The following XPR1 variants were observed in gnomAD, a reference collection of about 807,000 sequenced individuals.
The protein encoded by XPR1 is xenotropic and polytropic retrovirus receptor 1.
In XPR1, 28 loss-of-function variants were observed where a neutral mutation model predicts 87.5. That is an observed-to-expected ratio of 0.32 (90% CI 0.24 to 0.44). XPR1 has a LOEUF of 0.44. XPR1 is among the 20% of genes least tolerant of loss of function. The pLI is 1.00. For missense variants in XPR1, 559 were observed against 862.3 expected (o/e 0.65, Z 4.41); for synonymous variants, 300 against 306.1 (o/e 0.98, Z 0.21).
At chr1:180,764,270 G>T (rs771894723) in intron 2 of XPR1, among the ~76,000 whole-genome samples, 4 of 152,062 alleles carry the variant, frequency 2.6e-5, no homozygotes, top group Admixed American at 6.5e-5. Context: ...TGTGTAAGTT[G>T]TATATATAAA....
At chr1:180,644,404 CTTT>C (rs369513320) in intron 1 of XPR1, among the ~76,000 whole-genome samples, 3 of 133,446 alleles carry the variant, frequency 2.2e-5, no homozygotes, top group African/African-American at 2.8e-5. Flanking sequence ...TTCTGATTTA[CTTT>C]TTTTTTTTTT....
At chr1:180,882,852 A>G (rs750507946) in intron 14 of XPR1, among the ~76,000 whole-genome samples, 3 of 152,136 alleles carry the variant, frequency 2.0e-5, no homozygotes, top group Non-Finnish European at 4.4e-5. Context: ...GCCTCTCCTT[A>G]GGTCTTCTCT....
At chr1:180,766,017 C>A (rs1648269632) in intron 2 of XPR1, among the ~76,000 whole-genome samples, 1 of 152,028 alleles carries the variant, frequency 6.6e-6, no homozygotes, top group Non-Finnish European at 1.5e-5. Context: ...TAGAGTTTAA[C>A]TGGCTGTGGT....
intron 1 of XPR1, among the ~76,000 whole-genome samples, chr1:180,681,145 G>A (rs193243390): frequency 3.4e-4 from 52 of 152,244 alleles, no homozygotes; most frequent in African/African-American, 1.2e-3. Flanking sequence ...CTAGTGGTCT[G>A]TACCACTGTA....
At chr1:180,854,902 G>A (rs1651980422) in intron 11 of XPR1, among the ~76,000 whole-genome samples, 1 of 152,166 alleles carries the variant, frequency 6.6e-6, no homozygotes, top group Non-Finnish European at 1.5e-5. Flanking sequence ...TGTTTTCAGG[G>A]ACACATTATA....
At chr1:180,651,706 T>C (rs12076888) in intron 1 of XPR1, among the ~76,000 whole-genome samples, 6,545 of 152,270 alleles carry the variant, frequency 0.043, 504 homozygotes, top group African/African-American at 0.15. Context: ...TAAGGGCTTA[T>C]AATATTTAAA....
chr1:180,884,936 A>C lies in XPR1; in HGVS notation c.*870A>C, dbSNP rs566604268. ...GAGTCCTGAGCATATCTCTCATAAC[A>C]AGGAATCCCACACTTCACACCACCG... is the stretch of plus-strand genomic sequence containing the variant. On this transcript the variant is annotated 3_prime_UTR_variant, in exon 15 of 15. Coordinates refer to ENST00000367590, the MANE Select transcript of XPR1 (RefSeq NM_004736.4). 1 of 152,384 alleles carries C rather than the reference A, an allele frequency of 6.6e-6. No individual in the cohort carries two copies. Among genetic ancestry groups the C allele is most frequent in the East Asian group, 1.9e-4 (1 of 5,184 alleles). 9.4% of individuals were successfully genotyped at this position (152,384 alleles called of 1,614,324 possible).
chr1:180,792,482 C>T (rs530583184), intron 3 of XPR1, among the ~76,000 whole-genome samples: 1 of 152,272 alleles, frequency 6.6e-6, no homozygotes, highest in East Asian at 1.9e-4. Context: ...TCCCAACCCT[C>T]TAGGGTTCCA....
intron 3 of XPR1, among the ~76,000 whole-genome samples, chr1:180,799,636 G>C (rs144296623): frequency 5.9e-5 from 9 of 152,264 alleles, no homozygotes; most frequent in African/African-American, 1.9e-4. Context: ...TATCAAGAAT[G>C]CTTTTATTCC....
chr1:180,824,365 G>A (rs1441072950), intron 7 of XPR1, among the ~76,000 whole-genome samples: 3 of 152,252 alleles, frequency 2.0e-5, no homozygotes, highest in African/African-American at 4.8e-5. Flanking sequence ...GGTGGATCAC[G>A]AGGTCAGGAG....
intron 1 of XPR1, among the ~76,000 whole-genome samples, chr1:180,669,479 T>G (rs1571704166): frequency 6.6e-6 from 1 of 151,944 alleles, no homozygotes; most frequent in South Asian, 2.1e-4. Context: ...GCCTTCCGGG[T>G]TCAAGCAATT....
intron 1 of XPR1, among the ~76,000 whole-genome samples, chr1:180,641,078 C>T (rs1007293671): frequency 6.6e-6 from 1 of 151,618 alleles, no homozygotes; most frequent in East Asian, 1.9e-4. Context: ...AACTCTGAAG[C>T]CAGTCTACCT....
chr1:180,731,337 C>A (rs1370687229), intron 2 of XPR1, among the ~76,000 whole-genome samples: 1 of 152,140 alleles, frequency 6.6e-6, no homozygotes, highest in African/African-American at 2.4e-5. Flanking sequence ...GGTGCTGCGG[C>A]CGAGGGGATG....
chr1:180,644,539 A>G (rs997449119), intron 1 of XPR1, among the ~76,000 whole-genome samples: 1 of 151,306 alleles, frequency 6.6e-6, no homozygotes, highest in African/African-American at 2.4e-5. Context: ...ACTAATTTGA[A>G]TTTGGATCTC....
chr1:180,820,882 A>G lies in XPR1; in HGVS notation c.764-3871A>G, dbSNP rs141277075. ...ATATATATATTTTGGACAAATGTCT[A>G]TCCAGGTTCTTAGCCCTATTTTAAT... is the stretch of plus-strand genomic sequence containing the variant. On this transcript the variant is annotated intron_variant, in intron 7 of 14. Coordinates refer to ENST00000367590, the MANE Select transcript of XPR1 (RefSeq NM_004736.4). Among the ~76,000 whole-genome samples, 443 of 152,246 alleles carry G rather than the reference A, an allele frequency of 2.9e-3. 3 individuals are homozygous for G. The highest frequency in any genetic ancestry group is 9.7e-3 in the African/African-American group (401 of 41,546).
chr1:180,800,391 A>C (rs1462005116), intron 3 of XPR1, among the ~76,000 whole-genome samples: 1 of 152,264 alleles, frequency 6.6e-6, no homozygotes, highest in Non-Finnish European at 1.5e-5. Context: ...GATAGGGTTA[A>C]GAGTAGTCTC....
chr1:180,885,305 C>T lies in XPR1; in HGVS notation c.*1239C>T, dbSNP rs1652978397. ...TGTTGATACAAAAGACCTTGGCAGC[C>T]ATTTCTCCCAGCAGTTTTAAAGGAT... On this transcript the variant is annotated 3_prime_UTR_variant, in exon 15 of 15. Transcript: ENST00000367590. The T allele has an allele frequency of 6.6e-6, 1 of 152,612 alleles. No individual in the cohort carries two copies. Among genetic ancestry groups the T allele is most frequent in the African/African-American group, 2.4e-5 (1 of 41,444 alleles). The allele number at this position is 152,612 out of a possible 1,614,324, so 9.5% of individuals were successfully genotyped here. A position where few individuals can be genotyped will look rare whatever the true frequency, so the allele number is the denominator to read the frequency against.
intron 2 of XPR1, among the ~76,000 whole-genome samples, chr1:180,690,092 G>A (rs888579467): frequency 6.6e-6 from 1 of 151,636 alleles, no homozygotes; most frequent in Admixed American, 6.6e-5. Flanking sequence ...GGAGATGAAG[G>A]TTGCAGTGAG....
Position 180,772,559 on chromosome 1 carries a change from C to G in XPR1, c.122-15194C>G, listed in dbSNP as rs1405372053. 2.0e-5 allele frequency among the ~76,000 whole-genome samples: 3 copies of G among 152,278 alleles called. 1 individual carries two copies. In the East Asian group the frequency reaches 5.8e-4, roughly 29 times the overall value. On this transcript the variant is annotated intron_variant, in intron 2 of 14. Coordinates refer to ENST00000367590, the MANE Select transcript of XPR1 (RefSeq NM_004736.4). ...TGGCTCTGTGTTCCCACTCAAATCTCATCTTGTATCTCCCATAAATCCCAC... is the reference window on the plus strand; with the variant it reads ...TGGCTCTGTGTTCCCACTCAAATCTGATCTTGTATCTCCCATAAATCCCAC...
Sources: allele counts gnomAD v4.1 joint callset (sites outside exome capture counted in the v4.1 genomes callset), GRCh38; gene constraint gnomAD v4.1.1; transcripts MANE v1.5; gene names NCBI Gene and HGNC (gene_info 2026-07-23, HGNC 2026-07-21).